PRLR: variants seen among roughly 807,000 people sequenced by gnomAD.
PRLR encodes hPRL receptor.
A neutral mutation model predicts 40.2 loss-of-function variants in PRLR; 13 were observed. The observed-to-expected ratio is 0.32, with a 90% CI of 0.21 to 0.51. PRLR has a LOEUF of 0.51. PRLR is among the 20% of genes least tolerant of loss of function. The pLI is 0.97. For synonymous variants in PRLR, 269 were observed against 278.7 expected (o/e 0.97, Z 0.35); for missense variants, 656 against 747.3 (o/e 0.88, Z 1.42).
At chr5:35,104,440 G>A (rs1166210543) in intron 2 of PRLR, among the ~76,000 whole-genome samples, 1 of 152,182 alleles carries the variant, frequency 6.6e-6, no homozygotes, top group African/African-American at 2.4e-5. Flanking sequence ...CACCCGGGAA[G>A]TGTAAGGGGT....
intron 1 of PRLR, among the ~76,000 whole-genome samples, chr5:35,209,089 A>G (rs983453860): frequency 3.3e-5 from 5 of 151,998 alleles, no homozygotes; most frequent in African/African-American, 1.2e-4. Flanking sequence ...TATACAATCT[A>G]TTCCTGATTC....
rs564744514 is a variant in PRLR, at chr5:35,070,035, A to C, written c.685+89T>G. On this transcript the variant is annotated intron_variant, in intron 7 of 9. Coordinates refer to ENST00000618457, the MANE Select transcript of PRLR (RefSeq NM_000949.7). ...CTCTATTGTTCTGGCTAAGGCTCAAAATGGTTTCTCTATTAGTAGTTATTA... is the reference window on the plus strand; with the variant it reads ...CTCTATTGTTCTGGCTAAGGCTCAACATGGTTTCTCTATTAGTAGTTATTA... 2.4e-5 allele frequency: 35 copies of C among 1,435,558 alleles called. No homozygotes were observed. The South Asian group carries it at 4.3e-4, about 17-fold the overall frequency. 88.9% of individuals were successfully genotyped at this position (1,435,558 alleles called of 1,614,324 possible). A position where few individuals can be genotyped will look rare whatever the true frequency, so the allele number is the denominator to read the frequency against.
chr5:35,187,066 C>T (rs557712953), intron 1 of PRLR, among the ~76,000 whole-genome samples: 1 of 152,118 alleles, frequency 6.6e-6, no homozygotes, highest in Non-Finnish European at 1.5e-5. Context: ...CTGGGCAAGC[C>T]GGTCTCCTGA....
At chr5:35,157,423 C>A (rs1461843165) in intron 1 of PRLR, among the ~76,000 whole-genome samples, 2 of 152,168 alleles carry the variant, frequency 1.3e-5, no homozygotes, top group Admixed American at 1.3e-4. Flanking sequence ...ACCACCATTT[C>A]CTGGTTGATG....
chr5:35,180,949 A>G (rs955204218), intron 1 of PRLR, among the ~76,000 whole-genome samples: 1 of 152,200 alleles, frequency 6.6e-6, no homozygotes, highest in Admixed American at 6.5e-5. Context: ...GGATGGCCTA[A>G]TACAGGTATG....
intron 1 of PRLR, among the ~76,000 whole-genome samples, chr5:35,168,697 T>C (rs895730066): frequency 1.3e-5 from 2 of 152,156 alleles, no homozygotes; most frequent in Non-Finnish European, 2.9e-5. Context: ...ATGAATAGGC[T>C]GAGCAATGAT....
chr5:35,093,664 C>T (rs1160483602), intron 2 of PRLR, among the ~76,000 whole-genome samples: 1 of 152,166 alleles, frequency 6.6e-6, no homozygotes, highest in Non-Finnish European at 1.5e-5. Context: ...CAAGCAAGGC[C>T]CAATCCAACA....
chr5:35,090,585 G>T (rs985237428), intron 2 of PRLR, among the ~76,000 whole-genome samples: 24 of 119,760 alleles, frequency 2.0e-4, no homozygotes, highest in African/African-American at 8.9e-4. Flanking sequence ...GTTTCATTTT[G>T]TTGTTGTTGT....
At chr5:35,214,862 A>G (rs1237640324) in intron 1 of PRLR, among the ~76,000 whole-genome samples, 3 of 152,232 alleles carry the variant, frequency 2.0e-5, no homozygotes, top group African/African-American at 7.2e-5. Context: ...ATTAGAAAGT[A>G]TGCACACAAA....
chr5:35,065,487 G>A lies in PRLR; in HGVS notation c.1471C>T (p.Pro491Ser), dbSNP rs1206108227. 1 of 1,614,156 alleles carries A rather than the reference G, an allele frequency of 6.2e-7. No homozygotes were observed. Among genetic ancestry groups the A allele is most frequent in the East Asian group, 2.2e-5 (1 of 44,870 alleles). Residue 491 changes from proline (P) to serine (S), a missense_variant, in exon 10 of 10, where the codon CCC becomes TCC. This residue lies in a region of PRLR where 469 missense variants were observed against 491.5 expected (regional missense o/e 0.95). Coordinates refer to ENST00000618457, the MANE Select transcript of PRLR (RefSeq NM_000949.7). ...GTTTTCTCCTGGGGCAGCAGCCAGG[G>A]CGTATCCTGGTCAGTCTCAGAATGG... ...SFHSETDQDT[P>S]WLLPQEKTPF...
chr5:35,110,200 C>G (rs1772566511), intron 2 of PRLR, among the ~76,000 whole-genome samples: 1 of 152,052 alleles, frequency 6.6e-6, no homozygotes, highest in African/African-American at 2.4e-5. Context: ...GGGAACAACA[C>G]ACACCAGGGC....
chr5:35,150,180 G>A (rs778213453), intron 1 of PRLR, among the ~76,000 whole-genome samples: 8 of 152,278 alleles, frequency 5.3e-5, no homozygotes, highest in East Asian at 3.9e-4. Context: ...CACCACGCCC[G>A]GCCACTACCT....
chr5:35,108,477 A>G (rs1772424349), intron 2 of PRLR, among the ~76,000 whole-genome samples: 1 of 152,188 alleles, frequency 6.6e-6, no homozygotes, highest in Non-Finnish European at 1.5e-5. Context: ...AGAAAACCCC[A>G]TCGTCTCAGC....
At chr5:35,154,454 T>A (rs1271219176) in intron 1 of PRLR, among the ~76,000 whole-genome samples, 3 of 152,210 alleles carry the variant, frequency 2.0e-5, no homozygotes, top group Non-Finnish European at 2.9e-5. Flanking sequence ...TCATAAAGGA[T>A]CTGAGGTCAA....
At chr5:35,070,362 C>T (rs914266901) in intron 6 of PRLR, 97 bp from the exon 7 acceptor site, 90 of 1,323,342 alleles carry the variant, frequency 6.8e-5, no homozygotes, top group Non-Finnish European at 9.3e-5. Context: ...GCTGAACAAT[C>T]ATATACAGAG....
Position 35,160,902 on chromosome 5 carries a change from G to A in PRLR, c.-105-42780C>T, listed in dbSNP as rs574127765. On this transcript the variant is annotated intron_variant, in intron 1 of 9. Coordinates refer to ENST00000618457, the MANE Select transcript of PRLR (RefSeq NM_000949.7). ...TCTTTGAAAAACCACTAGCCCACAA[G>A]CCTTCGATAAGACTGACTTGAGTAA... is the stretch of plus-strand genomic sequence containing the variant. Among the ~76,000 whole-genome samples the A allele has an allele frequency of 4.6e-5, 7 of 152,288 alleles. No individual in the cohort carries two copies. The East Asian group carries it at 7.7e-4, about 17-fold the overall frequency.
At position 35,065,681 on chromosome 5, in the gene PRLR, G is replaced by A. The variant is rs866310284; in HGVS notation, c.1277C>T (p.Pro426Leu). ...WPLPQPSQHN[P>L]RSSYHNITDV... ...AGTAATATTGTGGTAAGAGGATCTG[G>A]GGTTGTGCTGGCTGGGCTGTGGTAA... Residue 426 changes from proline (P) to leucine (L), a missense_variant, in exon 10 of 10, where the codon CCC becomes CTC. Transcript: ENST00000618457. 6.2e-7 allele frequency: 1 copy of A among 1,614,158 alleles called. No homozygotes were observed. Among genetic ancestry groups the A allele is most frequent in the African/African-American group, 1.3e-5 (1 of 75,030 alleles).
At chr5:35,198,534 G>A (rs1775797514) in intron 1 of PRLR, among the ~76,000 whole-genome samples, 1 of 152,300 alleles carries the variant, frequency 6.6e-6, no homozygotes, top group East Asian at 1.9e-4. Context: ...TTCCTCAGAT[G>A]TAAGAGTCTG....
chr5:35,118,844 G>A (rs568737627), intron 1 of PRLR, among the ~76,000 whole-genome samples: 99 of 151,518 alleles, frequency 6.5e-4, no homozygotes, highest in African/African-American at 2.2e-3. Flanking sequence ...GGAGTGCAAC[G>A]GCGCAATCAC....
Sources: gnomAD v4.1 joint callset for allele counts (sites outside exome capture counted in the v4.1 genomes callset) on GRCh38, gnomAD v4.1.1 for gene constraint, gnomAD v4.1.1 regional missense constraint, MANE v1.5 for transcripts, NCBI Gene and HGNC (gene_info 2026-07-23, HGNC 2026-07-21) for gene names.